The following MYO10 variants were observed in gnomAD, a reference collection of about 807,000 sequenced individuals.
The protein encoded by MYO10 is unconventional myosin-X.
Under a neutral mutation model 257.3 loss-of-function variants are expected in MYO10, and 133 were observed. That is an observed-to-expected ratio of 0.52 (90% CI 0.45 to 0.60). The LOEUF (loss-of-function observed/expected upper bound fraction) is 0.60, where lower values mean the gene tolerates loss of function less well. Ranked by LOEUF, MYO10 falls within the 20% of genes least tolerant of loss-of-function variation. The pLI, the probability that MYO10 is intolerant of heterozygous loss-of-function variation, is 0.00. For missense variants in MYO10, 2,399 were observed against 2,635.7 expected (o/e 0.91, Z 1.97); for synonymous variants, 1,104 against 1,028.6 (o/e 1.07, Z -1.40).
chr5:16,796,379 AAGAAC>A (rs1259913147), intron 3 of MYO10, among the ~76,000 whole-genome samples: 1 of 150,094 alleles, frequency 6.7e-6, no homozygotes, highest in African/African-American at 2.5e-5. Context: ...AGAAAAAGAA[AAGAAC>A]AGAACACAAC....
chr5:16,895,766 A>ACACG (rs1319439749), intron 1 of MYO10, among the ~76,000 whole-genome samples: 26 of 73,008 alleles, frequency 3.6e-4, no homozygotes, highest in African/African-American at 8.0e-4. Context: ...ACACACACAC[A>ACACG]CACACACACA....
chr5:16,754,924 T>C lies in MYO10; in HGVS notation c.1849-16A>G, dbSNP rs766939559. 5.9e-6 allele frequency: 9 copies of C among 1,512,710 alleles called. No homozygotes were observed. The highest frequency in any genetic ancestry group is 8.1e-6 in the Non-Finnish European group (9 of 1,105,542). 93.7% of individuals were successfully genotyped at this position (1,512,710 alleles called of 1,614,324 possible). A position where few individuals can be genotyped will look rare whatever the true frequency, so the allele number is the denominator to read the frequency against. On this transcript the variant is annotated splice_polypyrimidine_tract_variant and intron_variant, in intron 18 of 40. Transcript: ENST00000513610. ...GCAGTGAGTCCTATTAGAAAAAGTA[T>C]ATGTTGATTTAGTCTCTTATTATGT...
At chr5:16,802,804 T>C (rs955699920) in intron 3 of MYO10, among the ~76,000 whole-genome samples, 1 of 152,050 alleles carries the variant, frequency 6.6e-6, no homozygotes, top group Non-Finnish European at 1.5e-5. Flanking sequence ...AGAAACATTA[T>C]GCTCCTTAAC....
At chr5:16,697,826 A>G (rs1301683180) in intron 26 of MYO10, among the ~76,000 whole-genome samples, 1 of 152,160 alleles carries the variant, frequency 6.6e-6, no homozygotes, top group Non-Finnish European at 1.5e-5. Flanking sequence ...CAAATATGGG[A>G]GAAAGCAGGA....
At chr5:16,869,591 G>A (rs948724142) in intron 2 of MYO10, among the ~76,000 whole-genome samples, 2 of 151,976 alleles carry the variant, frequency 1.3e-5, no homozygotes, top group African/African-American at 2.4e-5. Context: ...GTGGCCGGAC[G>A]TGGTAGTTCA....
At chr5:16,900,808 C>T (rs191671287) in intron 1 of MYO10, among the ~76,000 whole-genome samples, 147 of 149,950 alleles carry the variant, frequency 9.8e-4, no homozygotes, top group Admixed American at 1.9e-3. Context: ...GGTGCCACCT[C>T]GGCTCATTGC....
intron 9 of MYO10, among the ~76,000 whole-genome samples, chr5:16,770,746 C>T (rs887952550): frequency 6.6e-6 from 1 of 152,162 alleles, no homozygotes; most frequent in Non-Finnish European, 1.5e-5. Context: ...TTTAACACTG[C>T]GAAAAGTTCA....
chr5:16,719,059 C>A (rs1739030783), intron 19 of MYO10, among the ~76,000 whole-genome samples: 5 of 150,276 alleles, frequency 3.3e-5, no homozygotes, highest in Non-Finnish European at 7.5e-5. Flanking sequence ...AAGCTTTGTT[C>A]TTTTGCTCTT....
intron 1 of MYO10, among the ~76,000 whole-genome samples, chr5:16,885,146 G>A (rs954246152): frequency 1.3e-5 from 2 of 151,738 alleles, no homozygotes; most frequent in Non-Finnish European, 2.9e-5. Context: ...CCGACAGGTG[G>A]GCAGTGGTGC....
At chr5:16,771,158 T>A (rs1300911108) in intron 9 of MYO10, among the ~76,000 whole-genome samples, 1 of 152,152 alleles carries the variant, frequency 6.6e-6, no homozygotes, top group African/African-American at 2.4e-5. Flanking sequence ...TCCACTGACA[T>A]ATACATGAGC....
At chr5:16,871,608 A>G (rs1744458019) in intron 2 of MYO10, among the ~76,000 whole-genome samples, 1 of 147,576 alleles carries the variant, frequency 6.8e-6, no homozygotes, top group South Asian at 2.1e-4. Context: ...TCCTGTCTCG[A>G]AAAAAAAAAA....
intron 2 of MYO10, among the ~76,000 whole-genome samples, chr5:16,865,055 T>G (rs528731886): frequency 6.6e-6 from 1 of 151,784 alleles, no homozygotes; most frequent in Non-Finnish European, 1.5e-5. Flanking sequence ...GCACAGAGAA[T>G]TGAAGAGCTT....
chr5:16,720,018 G>A (rs1739085557), intron 19 of MYO10, among the ~76,000 whole-genome samples: 2 of 144,026 alleles, frequency 1.4e-5, no homozygotes, highest in African/African-American at 5.8e-5. Context: ...GTGTGTGTGT[G>A]TGTGTATATG....
At position 16,918,504 on chromosome 5, in the gene MYO10, T is replaced by TC. The variant is rs1243529934; in HGVS notation, c.21+17283_21+17284insG. On this transcript the variant is annotated intron_variant, in intron 1 of 40. Coordinates refer to ENST00000513610, the MANE Select transcript of MYO10 (RefSeq NM_012334.3). ...CACTGAAACTATTTTTCTTTTCTTT[T>TC]TTTTTTTTTTTTTTTGAGACAGAGT... Among the ~76,000 whole-genome samples the TC allele has an allele frequency of 2.6e-3, 340 of 131,716 alleles. 5 individuals are homozygous for TC. The highest frequency in any genetic ancestry group is 8.6e-3 in the African/African-American group (308 of 35,892). The allele number at this position is 131,716 out of a possible 152,430, so 86.4% of individuals were successfully genotyped here.
chr5:16,900,741 C>CTTCTT (rs1745353417), intron 1 of MYO10, among the ~76,000 whole-genome samples: 1 of 89,278 alleles, frequency 1.1e-5, no homozygotes, highest in Non-Finnish European at 2.3e-5. Context: ...CTCCCTAAAT[C>CTTCTT]TTGTTTTTTT....
intron 26 of MYO10, among the ~76,000 whole-genome samples, chr5:16,697,015 A>T (rs144464978): frequency 1.5e-3 from 225 of 148,928 alleles, no homozygotes; most frequent in African/African-American, 5.0e-3. Flanking sequence ...TGCTATGATT[A>T]AATACTTATT....
In MYO10 at chr5:16,663,382, T is replaced by C. The variant is rs764682878; in HGVS notation, c.*3310A>G. 3.2e-4 allele frequency: 43 copies of C among 135,410 alleles called. No individual in the cohort carries two copies. The highest frequency in any genetic ancestry group is 2.6e-4 in the Non-Finnish European group (17 of 64,704). The allele number at this position is 135,410 out of a possible 1,614,324, so 8.4% of individuals were successfully genotyped here. On this transcript the variant is annotated 3_prime_UTR_variant, in exon 41 of 41. Coordinates refer to ENST00000513610, the MANE Select transcript of MYO10 (RefSeq NM_012334.3). Reference sequence around the variant, plus strand: ...TTTTTTTTTTTACAAATCACCTATATGTATTAGCTTTCAAAAGATTTAAAA... The same window carrying C: ...TTTTTTTTTTTACAAATCACCTATACGTATTAGCTTTCAAAAGATTTAAAA...
intron 19 of MYO10, among the ~76,000 whole-genome samples, chr5:16,722,193 C>T (rs559610987): frequency 1.6e-4 from 25 of 152,334 alleles, no homozygotes; most frequent in Non-Finnish European, 2.8e-4. Context: ...GATGCTCTCA[C>T]CCCTAGGTTC....
chr5:16,849,261 CCT>C (rs1276050207), intron 2 of MYO10, among the ~76,000 whole-genome samples: 2 of 152,108 alleles, frequency 1.3e-5, no homozygotes, highest in African/African-American at 2.4e-5. Context: ...AGATTGTATC[CCT>C]CTCTCTTTTT....
Sources: allele counts gnomAD v4.1 joint callset (sites outside exome capture counted in the v4.1 genomes callset), GRCh38; gene constraint gnomAD v4.1.1; transcripts MANE v1.5; gene names NCBI Gene and HGNC (gene_info 2026-07-23, HGNC 2026-07-21).